The following OCA2 variants were observed in gnomAD, a reference collection of about 807,000 sequenced individuals.
OCA2 encodes the protein OCA2 melanosomal transmembrane protein, also known as P protein.
A neutral mutation model predicts 100.2 loss-of-function variants in OCA2; 77 were observed. That is an observed-to-expected ratio of 0.77 (90% CI 0.64 to 0.93). The LOEUF (loss-of-function observed/expected upper bound fraction) is 0.93, where lower values mean the gene tolerates loss of function less well. Among genes scored for constraint, OCA2 ranks in the 40% least tolerant of loss-of-function variants. OCA2 has a pLI of 0.00. For synonymous variants in OCA2, 432 were observed against 439.2 expected (o/e 0.98, Z 0.21); for missense variants, 1,062 against 1,089.1 (o/e 0.98, Z 0.35).
intron 22 of OCA2, among the ~76,000 whole-genome samples, chr15:27,850,067 A>G (rs988766588): frequency 6.6e-6 from 1 of 152,212 alleles, no homozygotes; most frequent in Non-Finnish European, 1.5e-5. Flanking sequence ...TTTAGGAATT[A>G]GCCTATAAAT....
intron 19 of OCA2, 49 bp downstream of exon 19, chr15:27,926,078 A>G (rs1172697345): frequency 6.2e-7 from 1 of 1,604,256 alleles, no homozygotes; most frequent in African/African-American, 1.3e-5. Context: ...AAAACATGAA[A>G]TACAAAAATC....
chr15:28,072,969 T>A (rs2044312123), intron 2 of OCA2, among the ~76,000 whole-genome samples: 1 of 152,052 alleles, frequency 6.6e-6, no homozygotes, highest in Non-Finnish European at 1.5e-5. Context: ...AAAAGAAAAA[T>A]CATTCTACCA....
At chr15:27,819,751 T>C (rs1328084823) in intron 23 of OCA2, among the ~76,000 whole-genome samples, 1 of 152,154 alleles carries the variant, frequency 6.6e-6, no homozygotes, top group Admixed American at 6.5e-5. Context: ...TATATACACA[T>C]ATATTTCTGT....
At chr15:27,870,999 C>A (rs376339634) in intron 21 of OCA2, among the ~76,000 whole-genome samples, 155 bp downstream of exon 21, 87 of 152,196 alleles carry the variant, frequency 5.7e-4, no homozygotes, top group South Asian at 1.0e-3. Context: ...GCACTCCCCA[C>A]CCAGCTGCCC....
At chr15:27,837,338 C>T (rs2035192014) in intron 23 of OCA2, among the ~76,000 whole-genome samples, 1 of 152,206 alleles carries the variant, frequency 6.6e-6, no homozygotes, top group Non-Finnish European at 1.5e-5. Context: ...CACCCAATGC[C>T]ACATCACTGC....
intron 9 of OCA2, among the ~76,000 whole-genome samples, 187 bp from the exon 10 acceptor site, chr15:27,990,834 C>G (rs2041533690): frequency 6.6e-6 from 1 of 152,230 alleles, no homozygotes; most frequent in African/African-American, 2.4e-5. Flanking sequence ...CACCAACGTG[C>G]CATCTAAGGG....
At chr15:28,005,146 C>G (rs1485938859) in intron 9 of OCA2, among the ~76,000 whole-genome samples, 1 of 152,126 alleles carries the variant, frequency 6.6e-6, no homozygotes, top group Non-Finnish European at 1.5e-5. Flanking sequence ...TGTAGCTCAG[C>G]TCAGCTCAGT....
chr15:27,905,182 T>C (rs1426946352), intron 19 of OCA2, among the ~76,000 whole-genome samples: 1 of 104,600 alleles, frequency 9.6e-6, no homozygotes, highest in South Asian at 3.0e-4. Flanking sequence ...AAAAAAAAAA[T>C]TGGCAATGTG....
intron 23 of OCA2, among the ~76,000 whole-genome samples, chr15:27,762,459 A>G (rs532272528): frequency 1.3e-5 from 2 of 152,310 alleles, no homozygotes; most frequent in Admixed American, 1.3e-4. Context: ...AGTTAACCCC[A>G]TCACCAGCAT....
chr15:28,008,098 C>T (rs1172492608), intron 9 of OCA2, among the ~76,000 whole-genome samples: 6 of 152,174 alleles, frequency 3.9e-5, no homozygotes, highest in Non-Finnish European at 2.9e-5. Flanking sequence ...CACTGGGAAT[C>T]AACACTGAAC....
intron 19 of OCA2, among the ~76,000 whole-genome samples, chr15:27,905,728 CACAA>C: frequency 6.6e-6 from 1 of 152,358 alleles, no homozygotes; most frequent in East Asian, 1.9e-4. Flanking sequence ...TCCTACAAAA[CACAA>C]ACAAGCCCAA....
At chr15:28,045,752 T>C (rs543541912) in intron 2 of OCA2, among the ~76,000 whole-genome samples, 2 of 152,310 alleles carry the variant, frequency 1.3e-5, no homozygotes, top group African/African-American at 4.8e-5. Flanking sequence ...TACAGAGAAA[T>C]CCAGTATTTC....
chr15:28,013,169 C>G (rs1401904685), intron 9 of OCA2, among the ~76,000 whole-genome samples: 1 of 152,106 alleles, frequency 6.6e-6, no homozygotes, highest in Non-Finnish European at 1.5e-5. Flanking sequence ...AGCACAGGTG[C>G]CCCAAAATGG....
intron 23 of OCA2, among the ~76,000 whole-genome samples, chr15:27,769,885 C>T (rs2031579330): frequency 7.3e-6 from 1 of 137,858 alleles, no homozygotes; most frequent in South Asian, 2.1e-4. Context: ...TGCAGCGCCT[C>T]GGCCTGTGTG....
chr15:27,955,107 CTCT>C (rs1375827837), intron 17 of OCA2, 48 bp downstream of exon 17: 2 of 1,311,358 alleles, frequency 1.5e-6, no homozygotes, highest in Non-Finnish European at 2.2e-6. Context: ...ATCACTCACT[CTCT>C]TCTTGGAGAA....
At chr15:27,925,105 C>T (rs969280664) in intron 19 of OCA2, among the ~76,000 whole-genome samples, 1 of 152,146 alleles carries the variant, frequency 6.6e-6, no homozygotes, top group African/African-American at 2.4e-5. Flanking sequence ...AGCTGACATA[C>T]TTGAAAGGAA....
chr15:27,906,039 T>C (rs1464477097), intron 19 of OCA2, among the ~76,000 whole-genome samples: 2 of 152,182 alleles, frequency 1.3e-5, no homozygotes, highest in Admixed American at 6.5e-5. Flanking sequence ...CCAAGTTTTC[T>C]CAGAAATAAG....
intron 2 of OCA2, among the ~76,000 whole-genome samples, chr15:28,033,889 T>C (rs1382710511): frequency 6.6e-6 from 1 of 152,168 alleles, no homozygotes; most frequent in Non-Finnish European, 1.5e-5. Flanking sequence ...AACAACCAGA[T>C]GTTTTCTGAT....
At chr15:27,903,969 T>C (rs952129154) in intron 19 of OCA2, among the ~76,000 whole-genome samples, 2 of 152,242 alleles carry the variant, frequency 1.3e-5, no homozygotes, top group African/African-American at 4.8e-5. Context: ...TCTTAGCTTT[T>C]AATGAGGGGA....
Sources: allele counts gnomAD v4.1 joint callset (sites outside exome capture counted in the v4.1 genomes callset), GRCh38; gene constraint gnomAD v4.1.1; transcripts MANE v1.5; gene names NCBI Gene and HGNC (gene_info 2026-07-23, HGNC 2026-07-21).